Variants in ERC2 observed in about 807,000 individuals in gnomAD.
The protein encoded by ERC2 is ELKS/RAB6-interacting/CAST family member 2.
In ERC2, 42 loss-of-function variants were observed where a neutral mutation model predicts 114.8. The ratio of observed to expected loss-of-function variants is 0.37; its 90% CI spans 0.29 to 0.47. ERC2 has a LOEUF of 0.47. Ranked by LOEUF, ERC2 falls within the 20% of genes least tolerant of loss-of-function variation. The probability of loss-of-function intolerance (pLI) is 0.99; values close to 1 mark genes in which losing one functional copy is unlikely to be tolerated. For missense variants in ERC2, 939 were observed against 1,150.7 expected (o/e 0.82, Z 2.66); for synonymous variants, 454 against 425.5 (o/e 1.07, Z -0.82).
intron 14 of ERC2, among the ~76,000 whole-genome samples, chr3:55,825,041 T>A (rs1410708439): frequency 6.6e-6 from 1 of 152,060 alleles, no homozygotes; most frequent in African/African-American, 2.4e-5. Flanking sequence ...AGAGTCACCA[T>A]TTTTTTTATC....
intron 14 of ERC2, among the ~76,000 whole-genome samples, chr3:55,788,948 T>A (rs4373038): frequency 0.081 from 12,292 of 152,184 alleles, 769 homozygotes; most frequent in African/African-American, 0.17. Flanking sequence ...AGCTTCCCAG[T>A]CACCTCCCAA....
intron 2 of ERC2, among the ~76,000 whole-genome samples, chr3:56,377,494 T>G (rs2059588966): frequency 6.6e-6 from 1 of 152,246 alleles, no homozygotes; most frequent in Non-Finnish European, 1.5e-5. Flanking sequence ...TCATCTCACT[T>G]GTCAATTTGT....
At chr3:55,605,454 C>T (rs1253525722) in intron 17 of ERC2, among the ~76,000 whole-genome samples, 1 of 152,144 alleles carries the variant, frequency 6.6e-6, no homozygotes, top group Non-Finnish European at 1.5e-5. Context: ...ATGTAAAATA[C>T]AATCATTCAT....
At chr3:55,894,203 CA>C (rs1330136006) in intron 13 of ERC2, among the ~76,000 whole-genome samples, 2 of 151,962 alleles carry the variant, frequency 1.3e-5, no homozygotes, top group Non-Finnish European at 2.9e-5. Context: ...AAATAATATT[CA>C]ATAAGCACTA....
At chr3:56,373,638 C>T (rs942600239) in intron 2 of ERC2, among the ~76,000 whole-genome samples, 11 of 152,292 alleles carry the variant, frequency 7.2e-5, no homozygotes, top group Admixed American at 6.5e-4. Context: ...AAGGGCCAAA[C>T]AGTAAATATT....
At chr3:55,917,250 A>G (rs2065152153) in intron 13 of ERC2, among the ~76,000 whole-genome samples, 1 of 152,150 alleles carries the variant, frequency 6.6e-6, no homozygotes, top group Non-Finnish European at 1.5e-5. Flanking sequence ...AGATTTTTGC[A>G]AGAAAAAATA....
intron 7 of ERC2, among the ~76,000 whole-genome samples, chr3:56,051,782 C>T (rs544267931): frequency 4.7e-5 from 7 of 150,372 alleles, no homozygotes; most frequent in Admixed American, 1.3e-4. Flanking sequence ...GCCGAGATCG[C>T]GCCACTGCAC....
At chr3:55,952,179 ACTCTCTCTCTCTCTCTCTC>A (rs2067612542) in intron 12 of ERC2, among the ~76,000 whole-genome samples, 2 of 62,106 alleles carry the variant, frequency 3.2e-5, no homozygotes, top group East Asian at 8.3e-4. Flanking sequence ...ACACACACAC[ACTCTCTCTCTCTCTCTCTC>A]TATATATATA....
chr3:55,622,431 T>C (rs1328077357), intron 17 of ERC2, among the ~76,000 whole-genome samples: 1 of 152,096 alleles, frequency 6.6e-6, no homozygotes, highest in African/African-American at 2.4e-5. Flanking sequence ...GACAATTTGA[T>C]TGAATTTGAC....
At chr3:55,878,204 T>G (rs897305845) in intron 14 of ERC2, among the ~76,000 whole-genome samples, 4 of 152,180 alleles carry the variant, frequency 2.6e-5, no homozygotes, top group African/African-American at 9.6e-5. Flanking sequence ...AGACTATACT[T>G]CTCTAGCTCA....
intron 17 of ERC2, among the ~76,000 whole-genome samples, chr3:55,629,670 G>A (rs575740821): frequency 6.6e-6 from 1 of 152,344 alleles, no homozygotes; most frequent in South Asian, 2.1e-4. Context: ...CTGGGCTTGC[G>A]ATGGTAAACC....
At chr3:55,606,689 A>G (rs1182653891) in intron 17 of ERC2, 1 of 152,222 alleles carries the variant, frequency 6.6e-6, no homozygotes, top group Non-Finnish European at 1.5e-5. Context: ...TGAGCCCCCA[A>G]ATCCAAGCTC....
chr3:55,710,467 A>AC (rs926606993), intron 15 of ERC2, among the ~76,000 whole-genome samples: 9 of 152,084 alleles, frequency 5.9e-5, no homozygotes, highest in Non-Finnish European at 1.2e-4. Context: ...GGAAATGTCT[A>AC]CTGTGTTGAG....
At chr3:55,974,922 C>T (rs1391768411) in intron 12 of ERC2, among the ~76,000 whole-genome samples, 1 of 152,182 alleles carries the variant, frequency 6.6e-6, no homozygotes, top group African/African-American at 2.4e-5. Flanking sequence ...TAGCTTTCCA[C>T]CCCAAAAGAA....
intron 7 of ERC2, among the ~76,000 whole-genome samples, chr3:56,062,442 G>A (rs1189297257): frequency 6.6e-6 from 1 of 152,050 alleles, no homozygotes; most frequent in Admixed American, 6.6e-5. Context: ...CAGCATCTAT[G>A]ATACCTCTGG....
intron 14 of ERC2, among the ~76,000 whole-genome samples, chr3:55,860,958 G>A (rs1412071161): frequency 6.6e-6 from 1 of 152,172 alleles, no homozygotes; most frequent in Non-Finnish European, 1.5e-5. Context: ...ATTTCAGTCT[G>A]CAACGGGGGA....
rs144356446 is a variant in ERC2 at position 56,278,328 on chromosome 3, C to T, written c.1074+17691G>A. On this transcript the variant is annotated intron_variant, in intron 3 of 17. Coordinates refer to ENST00000288221, the MANE Select transcript of ERC2 (RefSeq NM_015576.3). ...AATGCATGACCTTTGTCCAATCATG[C>T]GAAGATATGGGAAGGGTCTGAAGTG... 3.4e-4 allele frequency among the ~76,000 whole-genome samples: 52 copies of T among 152,170 alleles called. No homozygotes were observed. In the East Asian group the frequency reaches 5.2e-3, roughly 15 times the overall value.
At chr3:55,894,972 T>C (rs1399585885) in intron 13 of ERC2, among the ~76,000 whole-genome samples, 1 of 152,204 alleles carries the variant, frequency 6.6e-6, no homozygotes, top group Non-Finnish European at 1.5e-5. Flanking sequence ...CACATACACA[T>C]GCACATATAC....
rs1279001604 is a variant in ERC2 at position 56,082,515 on chromosome 3, A to AT, written c.1474-1532dup. Among the ~76,000 whole-genome samples the AT allele has an allele frequency of 3.3e-5, 5 of 151,892 alleles. No homozygotes were observed. In the East Asian group the frequency reaches 9.7e-4, roughly 29 times the overall value. On this transcript the variant is annotated intron_variant, in intron 6 of 17. Coordinates refer to ENST00000288221, the MANE Select transcript of ERC2 (RefSeq NM_015576.3). ...TGAACTAAGACAACCACCATGATTT[A>AT]TTTTTTCTGGATCATTAAAGACACC...
Sources: allele counts gnomAD v4.1 joint callset (sites outside exome capture counted in the v4.1 genomes callset), GRCh38; gene constraint gnomAD v4.1.1; transcripts MANE v1.5; gene names NCBI Gene and HGNC (gene_info 2026-07-23, HGNC 2026-07-21).